TNFSF4: variants seen among roughly 807,000 people sequenced by gnomAD.
TNFSF4 encodes tumor necrosis factor ligand superfamily member 4.
Under a neutral mutation model 7.3 loss-of-function variants are expected in TNFSF4, and 4 were observed. The ratio of observed to expected loss-of-function variants is 0.55; its 90% CI spans 0.27 to 1.25. The LOEUF (loss-of-function observed/expected upper bound fraction) is 1.25, where lower values mean the gene tolerates loss of function less well. Among genes scored for constraint, TNFSF4 ranks in the 50% most tolerant of loss-of-function variants. TNFSF4 has a pLI of 0.12. For synonymous variants in TNFSF4, 76 were observed against 83.7 expected (o/e 0.91, Z 0.50); for missense variants, 181 against 208.8 (o/e 0.87, Z 0.82).
chr1:173,225,556 G>A, the TNFSF4 span, among the ~76,000 whole-genome samples: 1 of 152,106 alleles, frequency 6.6e-6, no homozygotes, highest in Non-Finnish European at 1.5e-5. Flanking sequence ...TGTTTCTCTT[G>A]ACCAACACTA....
At chr1:173,355,466 G>A in the TNFSF4 span, among the ~76,000 whole-genome samples, 3 of 152,156 alleles carry the variant, frequency 2.0e-5, no homozygotes, top group African/African-American at 4.8e-5. Flanking sequence ...CTCTGTTCCC[G>A]TCTAAGGAAG....
chr1:173,430,579 T>A, the TNFSF4 span, among the ~76,000 whole-genome samples: 3 of 152,226 alleles, frequency 2.0e-5, no homozygotes, highest in East Asian at 3.8e-4. Flanking sequence ...TATAACTTGG[T>A]ATTCACATTC....
the TNFSF4 span, among the ~76,000 whole-genome samples, chr1:173,174,937 C>A: frequency 1.3e-5 from 2 of 152,182 alleles, no homozygotes; most frequent in African/African-American, 4.8e-5. Flanking sequence ...TAAAAAATAC[C>A]ACTTATCTTA....
the TNFSF4 span, among the ~76,000 whole-genome samples, chr1:173,370,944 A>G: frequency 5.9e-5 from 9 of 152,014 alleles, no homozygotes; most frequent in African/African-American, 1.4e-4. Flanking sequence ...GAAACAAGCC[A>G]CCCCCTCATC....
At position 173,183,951 on chromosome 1, in the gene TNFSF4, T is replaced by TAACA. The variant is rs1257112037; in HGVS notation, c.*2561_*2564dup. 2 of 152,126 alleles carry TAACA rather than the reference T, an allele frequency of 1.3e-5. No homozygotes were observed. The highest frequency in any genetic ancestry group is 4.8e-5 in the African/African-American group (2 of 41,424). The allele number at this position is 152,126 out of a possible 1,614,324, so 9.4% of individuals were successfully genotyped here. Reference sequence around the variant, plus strand: ...ATTCTCTAAATAGAAAATATCTAACTAACAATTGATAACTGCTCTTGAAGG... The same window carrying TAACA: ...ATTCTCTAAATAGAAAATATCTAACTAACAAACAATTGATAACTGCTCTTGAAGG... On this transcript the variant is annotated 3_prime_UTR_variant, in exon 3 of 3. Transcript: ENST00000281834.
chr1:173,192,840 A>C (rs1649540883), intron 1 of TNFSF4, among the ~76,000 whole-genome samples: 3 of 152,202 alleles, frequency 2.0e-5, no homozygotes, highest in Admixed American at 6.5e-5. Context: ...GATAGTAAAA[A>C]TCTGTATATC....
the TNFSF4 span, among the ~76,000 whole-genome samples, chr1:173,436,832 C>A: frequency 6.6e-6 from 1 of 152,224 alleles, no homozygotes; most frequent in East Asian, 1.9e-4. Flanking sequence ...TGTGTCCCAG[C>A]GCTGATGGCA....
the TNFSF4 span, among the ~76,000 whole-genome samples, chr1:173,244,643 AAAAAAAAC>A: frequency 2.2e-4 from 28 of 125,646 alleles, no homozygotes; most frequent in African/African-American, 9.2e-4. Context: ...CTCTGTCTCA[AAAAAAAAC>A]AAAAAACAAA....
intron 1 of TNFSF4, among the ~76,000 whole-genome samples, chr1:173,203,192 G>A (rs572164805): frequency 3.3e-5 from 5 of 152,160 alleles, no homozygotes; most frequent in Non-Finnish European, 7.4e-5. Flanking sequence ...CAGGAGTTCT[G>A]GTGAATTAAC....
the TNFSF4 span, among the ~76,000 whole-genome samples, chr1:173,443,512 A>G: frequency 2.0e-5 from 3 of 152,086 alleles, no homozygotes; most frequent in Non-Finnish European, 4.4e-5. Context: ...GGGAAGAAAT[A>G]TTATACAATA....
chr1:173,424,469 C>T, the TNFSF4 span, among the ~76,000 whole-genome samples: 1 of 152,160 alleles, frequency 6.6e-6, no homozygotes, highest in South Asian at 2.1e-4. Flanking sequence ...CTTTGTGGGC[C>T]GGTGGGCCCA....
chr1:173,392,220 G>A, the TNFSF4 span, among the ~76,000 whole-genome samples: 1 of 152,070 alleles, frequency 6.6e-6, no homozygotes, highest in Non-Finnish European at 1.5e-5. Context: ...TATCAAGTGA[G>A]GGTTAATGCC....
chr1:173,175,679 T>C, the TNFSF4 span, among the ~76,000 whole-genome samples: 1 of 152,220 alleles, frequency 6.6e-6, no homozygotes, highest in South Asian at 2.1e-4. Context: ...TGACTTACTG[T>C]AATTTGAGAG....
chr1:173,315,966 T>C, the TNFSF4 span, among the ~76,000 whole-genome samples: 1 of 152,222 alleles, frequency 6.6e-6, no homozygotes, highest in African/African-American at 2.4e-5. Context: ...AAAAGACTCA[T>C]TGTCAAGGCC....
the TNFSF4 span, among the ~76,000 whole-genome samples, chr1:173,375,037 A>G: frequency 7.9e-5 from 12 of 151,980 alleles, no homozygotes; most frequent in African/African-American, 2.9e-4. Flanking sequence ...TGAGGCCTAG[A>G]CCTCCTCACT....
At chr1:173,259,515 G>A in the TNFSF4 span, among the ~76,000 whole-genome samples, 2 of 152,216 alleles carry the variant, frequency 1.3e-5, no homozygotes, top group Non-Finnish European at 2.9e-5. Context: ...GACAGAAGTA[G>A]GCTTCAGAAG....
the TNFSF4 span, among the ~76,000 whole-genome samples, chr1:173,396,522 T>C: frequency 6.6e-6 from 1 of 152,012 alleles, no homozygotes; most frequent in Admixed American, 6.6e-5. Flanking sequence ...TACAAAAAAA[T>C]ACGGTTTGGG....
At chr1:173,429,136 C>A in the TNFSF4 span, among the ~76,000 whole-genome samples, 10 of 152,086 alleles carry the variant, frequency 6.6e-5, no homozygotes, top group South Asian at 2.1e-4. Context: ...ACAAAAAGTA[C>A]ATGGGGACTT....
the TNFSF4 span, among the ~76,000 whole-genome samples, chr1:173,252,220 G>GA: frequency 6.6e-6 from 1 of 151,884 alleles, no homozygotes; most frequent in Admixed American, 6.6e-5. Context: ...ATGATAGAAA[G>GA]AAAAATAGAA....
Sources: gnomAD v4.1 joint callset for allele counts (sites outside exome capture counted in the v4.1 genomes callset) on GRCh38, gnomAD v4.1.1 for gene constraint, MANE v1.5 for transcripts, NCBI Gene and HGNC (gene_info 2026-07-23, HGNC 2026-07-21) for gene names.